KPNA4: variants seen among roughly 807,000 people sequenced by gnomAD.
The protein encoded by KPNA4 is importin subunit alpha-3.
KPNA4 carries 13 observed loss-of-function variants against 71.3 expected under a neutral mutation model. The observed-to-expected ratio is 0.18, with a 90% CI of 0.12 to 0.29. KPNA4 has a LOEUF of 0.29. Among genes scored for constraint, KPNA4 ranks in the 10% least tolerant of loss-of-function variants. KPNA4 has a pLI of 1.00. For missense variants in KPNA4, 334 were observed against 603.2 expected, an observed-to-expected ratio of 0.55 and a Z score of 4.67; for synonymous variants, 189 against 195.2, an observed-to-expected ratio of 0.97 and a Z score of 0.26.
chr3:160,545,977 A>AG lies in KPNA4; in HGVS notation c.70-9138_70-9137insC, dbSNP rs556127318. 1.2e-4 allele frequency among the ~76,000 whole-genome samples: 18 copies of AG among 152,294 alleles called. No individual in the cohort carries two copies. The South Asian group carries it at 3.5e-3, about 30-fold the overall frequency. On this transcript the variant is annotated intron_variant, in intron 1 of 16. Coordinates refer to ENST00000334256, the MANE Select transcript of KPNA4 (RefSeq NM_002268.5). The stretch of plus-strand genomic sequence containing the variant: ...GACTGATCAGCAAGTTTTGGGGGGT[A>AG]ATATCACTTTTAGATCTAAGTTTAA...
chr3:160,548,180 G>A (rs1357253411), intron 1 of KPNA4, among the ~76,000 whole-genome samples: 2 of 151,950 alleles, frequency 1.3e-5, no homozygotes, highest in Non-Finnish European at 2.9e-5. Context: ...CATCCTCACC[G>A]GCATGTGGTG....
intron 11 of KPNA4, among the ~76,000 whole-genome samples, chr3:160,517,741 T>C (rs538067013): frequency 6.6e-6 from 1 of 152,130 alleles, no homozygotes; most frequent in Non-Finnish European, 1.5e-5. Context: ...ATGTGCTTAC[T>C]GACCATTTGT....
intron 1 of KPNA4, among the ~76,000 whole-genome samples, chr3:160,539,971 A>G (rs1721764710): frequency 6.7e-6 from 1 of 149,918 alleles, no homozygotes; most frequent in Non-Finnish European, 1.5e-5. Flanking sequence ...AAATCCAGAG[A>G]TTTACGAAAA....
intron 11 of KPNA4, 117 bp downstream of exon 11, chr3:160,521,662 G>T: frequency 2.2e-6 from 2 of 924,496 alleles, no homozygotes; most frequent in Non-Finnish European, 3.3e-6. Flanking sequence ...TTCCATCACA[G>T]ATTTGTTGTT....
rs992814429 is a variant in KPNA4, at chr3:160,499,201, T to C, written c.*2903A>G. On this transcript the variant is annotated 3_prime_UTR_variant, in exon 17 of 17. Coordinates refer to ENST00000334256, the MANE Select transcript of KPNA4 (RefSeq NM_002268.5). The stretch of plus-strand genomic sequence containing the variant: ...TTTGGTCCAGAGCAATGTGGACCAA[T>C]GGAAAGTATTATTTCCACCATAACA... The C allele has an allele frequency of 2.6e-5, 4 of 152,164 alleles. No homozygotes were observed. The highest frequency in any genetic ancestry group is 9.7e-5 in the African/African-American group (4 of 41,442). The allele number at this position is 152,164 out of a possible 1,614,324, so 9.4% of individuals were successfully genotyped here. A position where few individuals can be genotyped will look rare whatever the true frequency, so the allele number is the denominator to read the frequency against.
chr3:160,536,446 T>C (rs1247074810), intron 2 of KPNA4, among the ~76,000 whole-genome samples: 1 of 152,146 alleles, frequency 6.6e-6, no homozygotes, highest in African/African-American at 2.4e-5. Context: ...CAAGTTCTTT[T>C]CAGGGACTTA....
chr3:160,535,066 T>C (rs578020501), intron 5 of KPNA4, among the ~76,000 whole-genome samples: 37 of 152,252 alleles, frequency 2.4e-4, no homozygotes, highest in African/African-American at 8.4e-4. Flanking sequence ...TACACTGACA[T>C]AGTAACATTA....
At chr3:160,514,216 A>G in intron 12 of KPNA4, 35 bp from the exon 13 acceptor site, 7 of 1,491,162 alleles carry the variant, frequency 4.7e-6, no homozygotes, top group Non-Finnish European at 6.4e-6. Context: ...TTTCTCATTA[A>G]AAAATAAAAT....
At chr3:160,535,958 T>C in intron 2 of KPNA4, 61 bp from the exon 3 acceptor site, 1 of 1,115,110 alleles carries the variant, frequency 9.0e-7, no homozygotes, top group Non-Finnish European at 1.1e-6. Flanking sequence ...AAAGAAAACC[T>C]GAATACTTTC....
At chr3:160,531,007 C>A (rs980777415) in intron 6 of KPNA4, 67 bp from the exon 7 acceptor site, 3 of 1,020,302 alleles carry the variant, frequency 2.9e-6, no homozygotes, top group African/African-American at 3.2e-5. Flanking sequence ...TCTAACCATT[C>A]TTCCTTCTAC....
At chr3:160,517,804 G>A (rs1038449913) in intron 11 of KPNA4, among the ~76,000 whole-genome samples, 12 of 152,100 alleles carry the variant, frequency 7.9e-5, no homozygotes. Flanking sequence ...GTTAAAAACT[G>A]AGTTGTCTAT....
At chr3:160,521,472 G>T (rs1195061039) in intron 11 of KPNA4, among the ~76,000 whole-genome samples, 4 of 152,140 alleles carry the variant, frequency 2.6e-5, no homozygotes, top group Admixed American at 2.6e-4. Context: ...ATGATGGTGT[G>T]TGCCTGTGAT....
chr3:160,556,034 T>G (rs1722129388), intron 1 of KPNA4, among the ~76,000 whole-genome samples: 1 of 152,190 alleles, frequency 6.6e-6, no homozygotes, highest in Non-Finnish European at 1.5e-5. Context: ...TTTCTCCATG[T>G]TGGTAGTGCT....
Position 160,521,793 on chromosome 3 carries a change from C to T in KPNA4, c.889G>A (p.Glu297Lys), listed in dbSNP as rs1183421306. The T allele has an allele frequency of 6.2e-7, 1 of 1,611,314 alleles. No homozygotes were observed. The highest frequency in any genetic ancestry group is 8.5e-7 in the Non-Finnish European group (1 of 1,179,726). The change falls in exon 11 of 17, where the codon GAA (glutamate) becomes AAA (lysine). Residue 297 changes from glutamate to lysine, a missense_variant. Transcript: ENST00000334256. ...PHLVPLLSHQ[E>K]VKVQTAALRA... ...AACAAACTTACCTGAACTTTAACTT[C>T]CTGGTGGCTGAGCAGAGGAACCAAA...
At chr3:160,515,219 T>G (rs749614656) in intron 12 of KPNA4, 8 of 591,308 alleles carry the variant, frequency 1.4e-5, no homozygotes, top group Non-Finnish European at 2.6e-5. Context: ...CCCAATTATC[T>G]CTATTTCATC....
chr3:160,495,245 G>C lies in KPNA4; in HGVS notation c.*6859C>G, dbSNP rs1166468493. The C allele has an allele frequency of 4.6e-5, 7 of 152,164 alleles. No individual in the cohort carries two copies. The highest frequency in any genetic ancestry group is 4.6e-4 in the Admixed American group (7 of 15,272). 9.4% of individuals were successfully genotyped at this position (152,164 alleles called of 1,614,324 possible). On this transcript the variant is annotated 3_prime_UTR_variant, in exon 17 of 17. Transcript: ENST00000334256. ...GTTAATGGGGATGGCAAGGATGATAGGTAGGCCTGGATATACTCCTGACTT... is the reference window on the plus strand; with the variant it reads ...GTTAATGGGGATGGCAAGGATGATACGTAGGCCTGGATATACTCCTGACTT...
chr3:160,535,384 C>T (rs1721667637), intron 5 of KPNA4, 129 bp downstream of exon 5: 2 of 558,844 alleles, frequency 3.6e-6, no homozygotes, highest in Non-Finnish European at 6.3e-6. Flanking sequence ...TTTAGTTGAT[C>T]TATTACTATT....
intron 1 of KPNA4, among the ~76,000 whole-genome samples, chr3:160,556,872 A>T (rs1722147647): frequency 6.6e-6 from 1 of 152,252 alleles, no homozygotes; most frequent in African/African-American, 2.4e-5. Flanking sequence ...AATTCTATAG[A>T]TATATCTGTA....
chr3:160,505,134 C>G (rs1016429369), intron 15 of KPNA4, 82 bp from the exon 16 acceptor site: 3 of 671,848 alleles, frequency 4.5e-6, no homozygotes, highest in Admixed American at 3.7e-5. Context: ...AACACATAAT[C>G]CAATTTCTGA....
Sources: gnomAD v4.1 joint callset for allele counts (sites outside exome capture counted in the v4.1 genomes callset) on GRCh38, gnomAD v4.1.1 for gene constraint, MANE v1.5 for transcripts, NCBI Gene and HGNC (gene_info 2026-07-23, HGNC 2026-07-21) for gene names.